The following GRM1 variants were observed in gnomAD, a reference collection of about 807,000 sequenced individuals.
GRM1 encodes glutamate metabotropic receptor 1, also known as metabotropic glutamate receptor 1.
A neutral mutation model predicts 90.9 loss-of-function variants in GRM1; 33 were observed. That is an observed-to-expected ratio of 0.36 (90% CI 0.28 to 0.49). The LOEUF is 0.49. Among genes scored for constraint, GRM1 ranks in the 20% least tolerant of loss-of-function variants. GRM1 has a pLI of 0.99. For missense variants in GRM1, 1,190 were observed against 1,534.3 expected (o/e 0.78, Z 3.75); for synonymous variants, 700 against 613.2 (o/e 1.14, Z -2.09).
At chr6:146,365,871 G>C (rs191758826) in intron 5 of GRM1, among the ~76,000 whole-genome samples, 37 of 152,296 alleles carry the variant, frequency 2.4e-4, no homozygotes, top group Non-Finnish European at 1.5e-5. Flanking sequence ...CAAGGAGGCG[G>C]TCACTCTCAA....
At chr6:146,295,292 T>A (rs1159349032) in intron 2 of GRM1, among the ~76,000 whole-genome samples, 1 of 152,068 alleles carries the variant, frequency 6.6e-6, no homozygotes, top group Non-Finnish European at 1.5e-5. Flanking sequence ...GGTATGATCT[T>A]GGCTCACTGC....
chr6:146,336,645 A>G (rs1784780168), intron 3 of GRM1, among the ~76,000 whole-genome samples: 1 of 152,186 alleles, frequency 6.6e-6, no homozygotes, highest in Non-Finnish European at 1.5e-5. Context: ...GGTCACCAAA[A>G]GTATTGGCTA....
At chr6:146,076,545 A>C (rs776760823) in intron 1 of GRM1, among the ~76,000 whole-genome samples, 37 of 152,080 alleles carry the variant, frequency 2.4e-4, no homozygotes, top group Non-Finnish European at 4.7e-4. Flanking sequence ...TAGGTGTGAG[A>C]AGGGAGTCAA....
At chr6:146,164,652 C>T (rs1777846186) in intron 2 of GRM1, among the ~76,000 whole-genome samples, 2 of 152,060 alleles carry the variant, frequency 1.3e-5, no homozygotes, top group Non-Finnish European at 2.9e-5. Flanking sequence ...TGCCTGCTTG[C>T]CTGGTGAGTC....
At position 146,029,969 on chromosome 6, in the gene GRM1, G is replaced by A. The variant is rs1321372298; in HGVS notation, c.452G>A (p.Arg151Lys). 6.2e-7 allele frequency: 1 copy of A among 1,614,008 alleles called. No homozygotes were observed. The highest frequency in any genetic ancestry group is 1.7e-5 in the Admixed American group (1 of 60,008). Residue 151 changes from arginine to lysine, a missense_variant, in exon 1 of 8, where the codon AGG (arginine) becomes AAG (lysine). Coordinates refer to ENST00000282753, the MANE Select transcript of GRM1 (RefSeq NM_001278064.2). ...GACGGCCAGTCCCTCCCCCCAGGCA[G>A]GACTAAGAAGCCCATTGCGGGAGTG... ...LPDGQSLPPG[R>K]TKKPIAGVIG...
At chr6:146,119,128 C>T (rs1775880930) in intron 1 of GRM1, among the ~76,000 whole-genome samples, 1 of 152,184 alleles carries the variant, frequency 6.6e-6, no homozygotes, top group African/African-American at 2.4e-5. Context: ...TTAATGATCG[C>T]CATTGTAACT....
chr6:146,407,568 T>G (rs868572151), intron 7 of GRM1, among the ~76,000 whole-genome samples: 1 of 152,174 alleles, frequency 6.6e-6, no homozygotes, highest in Non-Finnish European at 1.5e-5. Flanking sequence ...TTCTCATATG[T>G]TAATGTGTAG....
intron 7 of GRM1, among the ~76,000 whole-genome samples, chr6:146,403,001 CT>C: frequency 6.6e-6 from 1 of 152,056 alleles, no homozygotes; most frequent in Non-Finnish European, 1.5e-5. Context: ...CCTTTGACAC[CT>C]CTCATTTCTT....
At chr6:146,119,462 ATT>A (rs1001648745) in intron 1 of GRM1, among the ~76,000 whole-genome samples, 1 of 152,118 alleles carries the variant, frequency 6.6e-6, no homozygotes, top group Non-Finnish European at 1.5e-5. Flanking sequence ...CCATTTGTCA[ATT>A]TTGGCTTTTG....
intron 7 of GRM1, among the ~76,000 whole-genome samples, chr6:146,429,104 G>A (rs980933158): frequency 6.6e-6 from 1 of 152,012 alleles, no homozygotes; most frequent in Non-Finnish European, 1.5e-5. Flanking sequence ...AAGAAGAACT[G>A]CATACTTAGA....
intron 2 of GRM1, among the ~76,000 whole-genome samples, chr6:146,170,972 T>A (rs1261486423): frequency 6.6e-6 from 1 of 152,200 alleles, no homozygotes; most frequent in Non-Finnish European, 1.5e-5. Context: ...TAGATTATTT[T>A]ATTGAAGTCT....
At chr6:146,278,607 C>T (rs903971554) in intron 2 of GRM1, among the ~76,000 whole-genome samples, 1 of 152,148 alleles carries the variant, frequency 6.6e-6, no homozygotes, top group Non-Finnish European at 1.5e-5. Context: ...GAAACCCTGT[C>T]TCTACTAAAA....
chr6:146,344,061 C>T (rs1037387195), intron 3 of GRM1, among the ~76,000 whole-genome samples: 1 of 152,064 alleles, frequency 6.6e-6, no homozygotes, highest in African/African-American at 2.4e-5. Context: ...AGTTTATATA[C>T]CAAACTAAAT....
At chr6:146,351,837 T>G (rs1785421952) in intron 3 of GRM1, among the ~76,000 whole-genome samples, 1 of 152,218 alleles carries the variant, frequency 6.6e-6, no homozygotes, top group Admixed American at 6.5e-5. Context: ...ATTGAATTCC[T>G]GTAAACTGTA....
intron 1 of GRM1, among the ~76,000 whole-genome samples, chr6:146,093,732 C>T (rs969635669): frequency 3.9e-5 from 6 of 151,980 alleles, no homozygotes; most frequent in African/African-American, 1.4e-4. Context: ...CATGCATATA[C>T]AAATCCATTA....
At chr6:146,290,966 T>C (rs1395058906) in intron 2 of GRM1, among the ~76,000 whole-genome samples, 1 of 152,130 alleles carries the variant, frequency 6.6e-6, no homozygotes, top group African/African-American at 2.4e-5. Context: ...CAGACTGTGG[T>C]AGGCACAATA....
intron 1 of GRM1, among the ~76,000 whole-genome samples, chr6:146,127,128 A>G (rs1776226435): frequency 6.6e-6 from 1 of 152,194 alleles, no homozygotes; most frequent in African/African-American, 2.4e-5. Context: ...AGGAGTTAAC[A>G]TTAGTTTTCA....
intron 1 of GRM1, among the ~76,000 whole-genome samples, chr6:146,096,149 T>C (rs1311320612): frequency 1.3e-5 from 2 of 152,200 alleles, no homozygotes; most frequent in African/African-American, 4.8e-5. Flanking sequence ...GTTTTTGTAG[T>C]TTTGTTTTTT....
intron 1 of GRM1, among the ~76,000 whole-genome samples, chr6:146,045,057 C>T (rs1791275479): frequency 6.6e-6 from 1 of 151,914 alleles, no homozygotes; most frequent in Non-Finnish European, 1.5e-5. Context: ...CTGGAAGCCC[C>T]TTCTCATAAT....
Sources: allele counts gnomAD v4.1 joint callset (sites outside exome capture counted in the v4.1 genomes callset), GRCh38; gene constraint gnomAD v4.1.1; transcripts MANE v1.5; gene names NCBI Gene and HGNC (gene_info 2026-07-23, HGNC 2026-07-21).